Variants in HIBCH observed in about 807,000 individuals in gnomAD.
HIBCH encodes the protein 3-hydroxyisobutyryl-CoA hydrolase, also known as 3-hydroxyisobutyryl-CoA hydrolase, mitochondrial.
In HIBCH, 50 loss-of-function variants were observed where a neutral mutation model predicts 58.2. The ratio of observed to expected loss-of-function variants is 0.86; its 90% confidence interval spans 0.68 to 1.09. HIBCH has a LOEUF of 1.09. Ranked by LOEUF, HIBCH falls within the 50% of genes least tolerant of loss-of-function variation. The probability of loss-of-function intolerance (pLI) is 0.00; values close to 1 mark genes in which losing one functional copy is unlikely to be tolerated. For synonymous variants in HIBCH, 151 were observed against 146.9 expected, an observed-to-expected ratio of 1.03 and a Z score of -0.20; for missense variants, 450 against 449.7, an observed-to-expected ratio of 1.00 and a Z score of -0.01.
rs1028577251 is a variant in HIBCH at position 190,211,670 on chromosome 2, A to T, written c.1011+1286T>A. 6.6e-6 allele frequency among the ~76,000 whole-genome samples: 1 copy of T among 152,150 alleles called. No individual in the cohort carries two copies. The highest frequency in any genetic ancestry group is 2.1e-4 in the South Asian group (1 of 4,820). Reference sequence around the variant, plus strand: ...CCCCAACTCCCTCCTGTCCCTGCATAATCTCTTCTATCACCAACCCTGTAT... The same window carrying T: ...CCCCAACTCCCTCCTGTCCCTGCATTATCTCTTCTATCACCAACCCTGTAT... On this transcript the variant is annotated intron_variant, in intron 12 of 13. Coordinates refer to ENST00000359678, the MANE Select transcript of HIBCH (RefSeq NM_014362.4). The surrounding 1 kb of genome is among the most constrained non-coding windows in gnomAD (Gnocchi z 5.0).
intron 2 of HIBCH, among the ~76,000 whole-genome samples, chr2:190,310,290 C>A (rs754424019): frequency 6.6e-6 from 1 of 152,190 alleles, no homozygotes; most frequent in Non-Finnish European, 1.5e-5. Context: ...AATTTGCGGA[C>A]GGCCTATCAT....
At chr2:190,298,588 G>A (rs62184437) in intron 2 of HIBCH, among the ~76,000 whole-genome samples, 1 of 151,670 alleles carries the variant, frequency 6.6e-6, no homozygotes, top group Non-Finnish European at 1.5e-5. Context: ...ACTTTTTGAT[G>A]GGTTTTTTTT....
chr2:190,196,260 C>T (rs1689971918), intron 1 of HIBCH, among the ~76,000 whole-genome samples: 1 of 151,866 alleles, frequency 6.6e-6, no homozygotes, highest in Non-Finnish European at 1.5e-5. Flanking sequence ...AAATCTTTTC[C>T]CTCCATTTTT....
intron 11 of HIBCH, among the ~76,000 whole-genome samples, chr2:190,220,783 T>C (rs1241499158): frequency 6.6e-6 from 1 of 152,072 alleles, no homozygotes; most frequent in Non-Finnish European, 1.5e-5. Context: ...GGTGAAAACC[T>C]GGAAGAACTT....
Position 190,204,842 on chromosome 2 carries a change from C to A in HIBCH, c.*275G>T. ...ACAGTAAATAATTAGGCTTTGTAGGCTTTACCATCTCTATTGCAACTACTC... is the reference window on the plus strand; with the variant it reads ...ACAGTAAATAATTAGGCTTTGTAGGATTTACCATCTCTATTGCAACTACTC... On this transcript the variant is annotated 3_prime_UTR_variant, in exon 14 of 14. Coordinates refer to ENST00000359678, the MANE Select transcript of HIBCH (RefSeq NM_014362.4). 2.8e-6 allele frequency: 1 copy of A among 358,368 alleles called. No homozygotes were observed. Among genetic ancestry groups the A allele is most frequent in the Non-Finnish European group, 5.2e-6 (1 of 193,962 alleles). 22.2% of individuals were successfully genotyped at this position (358,368 alleles called of 1,614,324 possible).
intron 6 of HIBCH, among the ~76,000 whole-genome samples, chr2:190,282,437 A>G (rs1271827868): frequency 6.6e-6 from 1 of 152,236 alleles, no homozygotes. Flanking sequence ...TAAAAAGCCC[A>G]AAACATAGGA....
Position 190,294,636 on chromosome 2 carries a change from C to G in HIBCH, c.220-6G>C, listed in dbSNP as rs746853749. 2 of 1,581,492 alleles carry G rather than the reference C, an allele frequency of 1.3e-6. No individual in the cohort carries two copies. Among genetic ancestry groups the G allele is most frequent in the South Asian group, 1.1e-5 (1 of 90,418 alleles). On this transcript the variant is annotated splice_region_variant and splice_polypyrimidine_tract_variant and intron_variant, in intron 3 of 13. Transcript: ENST00000359678. ...TCAGGATCTTGTTCCCACTTCTATTCAAATGTAACAGAAGATGGTATAAGC... is the reference window on the plus strand; with the variant it reads ...TCAGGATCTTGTTCCCACTTCTATTGAAATGTAACAGAAGATGGTATAAGC...
At chr2:190,226,011 T>C (rs1403132017) in intron 11 of HIBCH, among the ~76,000 whole-genome samples, 2 of 152,144 alleles carry the variant, frequency 1.3e-5, no homozygotes, top group African/African-American at 4.8e-5. Flanking sequence ...AAAAACCACA[T>C]GATTATCTAA....
chr2:190,241,670 T>C (rs1410765941), intron 11 of HIBCH, among the ~76,000 whole-genome samples: 1 of 152,208 alleles, frequency 6.6e-6, no homozygotes, highest in African/African-American at 2.4e-5. Flanking sequence ...AGTGACAAAA[T>C]CCCTCAGCAT....
chr2:190,234,429 A>G (rs538743704), intron 11 of HIBCH, among the ~76,000 whole-genome samples: 5 of 152,370 alleles, frequency 3.3e-5, no homozygotes, highest in South Asian at 4.1e-4. Flanking sequence ...GTAGAAATGA[A>G]TAAGTGAACT....
At chr2:190,200,052 C>G (rs1311670625), downstream of HIBCH, 1 of 1,614,074 alleles carries the variant, frequency 6.2e-7, no homozygotes, top group Admixed American at 1.7e-5. Flanking sequence ...ATGCACACCG[C>G]CTGTCTCAGG....
At chr2:190,287,027 CGTGTGTGTGTGTGT>C (rs56811939) in intron 6 of HIBCH, among the ~76,000 whole-genome samples, 94 of 142,218 alleles carry the variant, frequency 6.6e-4, no homozygotes, top group Non-Finnish European at 1.2e-3. Flanking sequence ...TAGCATATAA[CGTGTGTGTGTGTGT>C]GTGTGTGTGT....
At chr2:190,191,510 T>C (rs758190864) in intron 1 of HIBCH, among the ~76,000 whole-genome samples, 4 of 152,156 alleles carry the variant, frequency 2.6e-5, no homozygotes, top group Non-Finnish European at 4.4e-5. Flanking sequence ...AGGAGTGGGA[T>C]TGCTGGGTCT....
At chr2:190,199,720 G>A, downstream of HIBCH, 3 of 1,477,968 alleles carry the variant, frequency 2.0e-6, no homozygotes, top group South Asian at 1.4e-5. Context: ...GTGAAGAGTG[G>A]TGAAAGGGAA....
At chr2:190,301,587 T>C (rs1688263463) in intron 2 of HIBCH, among the ~76,000 whole-genome samples, 1 of 152,218 alleles carries the variant, frequency 6.6e-6, no homozygotes, top group South Asian at 2.1e-4. Context: ...ACATGCTTTA[T>C]AAATTTGTCA....
intron 1 of HIBCH, among the ~76,000 whole-genome samples, chr2:190,314,390 T>C (rs7594559): frequency 0.028 from 3,889 of 138,284 alleles, 227 homozygotes; most frequent in African/African-American, 0.097. Context: ...TGTATATATA[T>C]GTATATATAT....
intron 5 of HIBCH, among the ~76,000 whole-genome samples, chr2:190,289,136 A>C (rs1002271907): frequency 1.3e-5 from 2 of 151,988 alleles, no homozygotes; most frequent in African/African-American, 4.8e-5. Context: ...AATAAATAAT[A>C]AAATAAAAAT....
chr2:190,294,022 GTA>G (rs1553505756), intron 4 of HIBCH, among the ~76,000 whole-genome samples: 1,613 of 83,004 alleles, frequency 0.019, 42 homozygotes, highest in African/African-American at 0.064. Flanking sequence ...TATTTTGTGT[GTA>G]TATATATATA....
chr2:190,246,477 T>C (rs898231695), intron 9 of HIBCH, among the ~76,000 whole-genome samples: 20 of 152,228 alleles, frequency 1.3e-4, no homozygotes, highest in Non-Finnish European at 2.6e-4. Flanking sequence ...CTATTACATT[T>C]GACACATTAT....
Sources: allele counts gnomAD v4.1 joint callset (sites outside exome capture counted in the v4.1 genomes callset), GRCh38; gene constraint gnomAD v4.1.1; non-coding constraint Gnocchi (gnomAD v3.1); transcripts MANE v1.5; gene names NCBI Gene and HGNC (gene_info 2026-07-23, HGNC 2026-07-21).